LRGUK: variants seen among roughly 807,000 people sequenced by gnomAD.
LRGUK encodes leucine-rich repeat and guanylate kinase domain-containing protein.
Under a neutral mutation model 76.0 loss-of-function variants are expected in LRGUK, and 65 were observed. The observed-to-expected ratio is 0.85, with a 90% CI of 0.70 to 1.05. The LOEUF (loss-of-function observed/expected upper bound fraction) is 1.05, where lower values mean the gene tolerates loss of function less well. Among genes scored for constraint, LRGUK ranks in the 50% least tolerant of loss-of-function variants. The pLI is 0.00. For missense variants in LRGUK, 758 were observed against 732.8 expected (o/e 1.03, Z -0.40); for synonymous variants, 268 against 265.6 (o/e 1.01, Z -0.09).
chr7:134,148,479 G>A (rs1167179073), intron 5 of LRGUK, among the ~76,000 whole-genome samples, 160 bp downstream of exon 5: 4 of 152,182 alleles, frequency 2.6e-5, no homozygotes, highest in African/African-American at 9.7e-5. Context: ...TTCACAAAAT[G>A]AGGATAAATA....
chr7:134,262,090 G>A (rs571528432), intron 19 of LRGUK, among the ~76,000 whole-genome samples: 1 of 152,306 alleles, frequency 6.6e-6, no homozygotes, highest in East Asian at 1.9e-4. Flanking sequence ...AAAGTCAAAT[G>A]TGGTTGGGTG....
At chr7:134,178,933 A>AAAAAAAAAAAAAAC (rs1799610776) in intron 10 of LRGUK, among the ~76,000 whole-genome samples, 1 of 13,646 alleles carries the variant, frequency 7.3e-5, no homozygotes, top group Non-Finnish European at 1.4e-4. Context: ...TCTCAAAAAA[A>AAAAAAAAAAAAAAC]AAAAAAAAAA....
intron 7 of LRGUK, among the ~76,000 whole-genome samples, chr7:134,173,561 T>A (rs1165327447): frequency 6.6e-6 from 1 of 152,208 alleles, no homozygotes; most frequent in African/African-American, 2.4e-5. Context: ...AATTCAGGCC[T>A]GCCGCAATCC....
At chr7:134,203,636 G>A (rs1020218492) in intron 15 of LRGUK, among the ~76,000 whole-genome samples, 1 of 152,206 alleles carries the variant, frequency 6.6e-6, no homozygotes. Flanking sequence ...TGACTGGAAT[G>A]TTCCTGGAGA....
chr7:134,256,744 GGA>G (rs1217149224), intron 18 of LRGUK, among the ~76,000 whole-genome samples: 1 of 152,072 alleles, frequency 6.6e-6, no homozygotes, highest in African/African-American at 2.4e-5. Flanking sequence ...ACTTCCTCAA[GGA>G]GAGCTGTCCT....
downstream of LRGUK, among the ~76,000 whole-genome samples, chr7:134,268,201 T>C (rs746618413): frequency 7.4e-6 from 1 of 135,758 alleles, no homozygotes; most frequent in African/African-American, 2.4e-5. Context: ...CTTGAAAACA[T>C]AATAAAATGG....
chr7:134,249,220 C>A (rs1436194553), intron 18 of LRGUK, 144 bp downstream of exon 18: 2 of 899,670 alleles, frequency 2.2e-6, no homozygotes, highest in East Asian at 2.8e-5. Flanking sequence ...AGGGAGTAGA[C>A]CCTGCCCCTC....
intron 10 of LRGUK, among the ~76,000 whole-genome samples, chr7:134,178,926 CAAAA>C (rs950815389): frequency 4.6e-5 from 2 of 43,570 alleles, no homozygotes; most frequent in Admixed American, 4.9e-4. Context: ...AGTGAAATCT[CAAAA>C]AAAAAAAAAA....
In LRGUK at chr7:134,199,982, T is replaced by TA. The variant is rs1554469577; in HGVS notation, c.1747+561_1747+562insA. On this transcript the variant is annotated intron_variant, in intron 14 of 15. Coordinates refer to ENST00000645682, the Ensembl canonical transcript of LRGUK. ...TTCTATAGATATATTCTAGAAACTT[T>TA]TATATATATATATATATATATATAT... 4.4e-4 allele frequency among the ~76,000 whole-genome samples: 17 copies of TA among 38,412 alleles called. 1 individual carries two copies. Among genetic ancestry groups the TA allele is most frequent in the Non-Finnish European group, 7.9e-4 (16 of 20,142 alleles). 25.2% of individuals were successfully genotyped at this position (38,412 alleles called of 152,430 possible).
chr7:134,187,521 TAAC>T (rs1800028111), intron 11 of LRGUK, among the ~76,000 whole-genome samples: 1 of 152,234 alleles, frequency 6.6e-6, no homozygotes, highest in Non-Finnish European at 1.5e-5. Context: ...ATTGAAAACA[TAAC>T]TCAGTCACAT....
intron 16 of LRGUK, among the ~76,000 whole-genome samples, chr7:134,222,908 T>C (rs1801638294): frequency 6.6e-6 from 1 of 152,174 alleles, no homozygotes; most frequent in Non-Finnish European, 1.5e-5. Context: ...AAGGATAGCC[T>C]GTTCTAAACA....
chr7:134,150,706 A>G (rs1798182776), intron 5 of LRGUK, among the ~76,000 whole-genome samples: 1 of 152,210 alleles, frequency 6.6e-6, no homozygotes. Context: ...TGGACTCAAA[A>G]CACAGTTGAA....
chr7:134,247,505 A>T (rs772570765), intron 16 of LRGUK, 51 bp from the exon 17 acceptor site: 3 of 1,299,006 alleles, frequency 2.3e-6, no homozygotes, highest in Non-Finnish European at 3.3e-6. Flanking sequence ...TGTTTTAATC[A>T]TCTGACATTT....
At chr7:134,263,796 T>C (rs1401539288) in intron 19 of LRGUK, 49 bp from the exon 20 acceptor site, 2 of 1,548,824 alleles carry the variant, frequency 1.3e-6, no homozygotes, top group African/African-American at 1.4e-5. Context: ...ATTCTCTTTG[T>C]ACCAAGAAAC....
intron 15 of LRGUK, among the ~76,000 whole-genome samples, chr7:134,205,088 G>A (rs1421648027): frequency 6.6e-6 from 1 of 152,194 alleles, no homozygotes; most frequent in Non-Finnish European, 1.5e-5. Context: ...GTGGGTTGCC[G>A]CTGCTGGCGG....
chr7:134,214,446 T>C (rs1801379599), downstream of LRGUK, among the ~76,000 whole-genome samples: 1 of 152,188 alleles, frequency 6.6e-6, no homozygotes, highest in African/African-American at 2.4e-5. Context: ...TGGGCAAGGA[T>C]GTTCATATCA....
chr7:134,150,826 G>GT (rs956073899), intron 5 of LRGUK, among the ~76,000 whole-genome samples: 67 of 148,960 alleles, frequency 4.5e-4, no homozygotes, highest in African/African-American at 1.2e-3. Flanking sequence ...AGGAATTAGG[G>GT]TTTTTTTTTT....
chr7:134,262,397 A>T (rs1310277358), intron 19 of LRGUK, among the ~76,000 whole-genome samples: 1 of 152,154 alleles, frequency 6.6e-6, no homozygotes, highest in Non-Finnish European at 1.5e-5. Context: ...AATAAAGTCA[A>T]ATATACTGGT....
chr7:134,229,380 A>ATCTG (rs1268625892), intron 16 of LRGUK, among the ~76,000 whole-genome samples: 1 of 146,196 alleles, frequency 6.8e-6, no homozygotes, highest in Non-Finnish European at 1.5e-5. Context: ...AAAAAAATCT[A>ATCTG]TCTATCTATC....
Sources: gnomAD v4.1 joint callset for allele counts (sites outside exome capture counted in the v4.1 genomes callset) on GRCh38, gnomAD v4.1.1 for gene constraint, MANE v1.5 for transcripts, NCBI Gene and HGNC (gene_info 2026-07-23, HGNC 2026-07-21) for gene names.